DNAH8: variants seen among roughly 807,000 people sequenced by gnomAD.
DNAH8 encodes axonemal beta dynein heavy chain 8.
In DNAH8, 382 loss-of-function variants were observed where a neutral mutation model predicts 562.1. That is an observed-to-expected ratio of 0.68 (90% CI 0.63 to 0.74). The LOEUF is 0.74. Ranked by LOEUF, DNAH8 falls within the 30% of genes least tolerant of loss-of-function variation. The pLI, the probability that DNAH8 is intolerant of heterozygous loss-of-function variation, is 0.00. For synonymous variants in DNAH8, 1,881 were observed against 1,919.4 expected (o/e 0.98, Z 0.52); for missense variants, 5,203 against 5,620.4 (o/e 0.93, Z 2.37).
At chr6:38,729,835 T>C (rs1473156168) in intron 3 of DNAH8, 67 bp from the exon 4 acceptor site, 2 of 842,216 alleles carry the variant, frequency 2.4e-6, no homozygotes, top group Non-Finnish European at 3.8e-6. Context: ...CTTCATCTTC[T>C]TCATCTGCAA....
At chr6:38,726,147 T>C (rs970239932) in intron 3 of DNAH8, among the ~76,000 whole-genome samples, 5 of 152,208 alleles carry the variant, frequency 3.3e-5, no homozygotes, top group African/African-American at 1.2e-4. Context: ...GGAAGCCAGA[T>C]GAGTGATCAA....
At chr6:38,838,183 ATTC>A (rs1774457621) in intron 33 of DNAH8, 141 bp downstream of exon 33, 1 of 583,634 alleles carries the variant, frequency 1.7e-6, no homozygotes, top group African/African-American at 1.9e-5. Context: ...TATTCCAGCT[ATTC>A]TTTACAAATT....
At chr6:38,982,966 C>T (rs990077000) in intron 86 of DNAH8, among the ~76,000 whole-genome samples, 27 of 152,166 alleles carry the variant, frequency 1.8e-4, no homozygotes, top group African/African-American at 6.0e-4. Context: ...TCTTCACAAC[C>T]CTGTGAGATC....
intron 4 of DNAH8, among the ~76,000 whole-genome samples, chr6:38,732,605 G>A (rs947192209): frequency 6.6e-5 from 10 of 152,160 alleles, no homozygotes; most frequent in African/African-American, 2.4e-4. Context: ...GTCTCGGGAA[G>A]GACAAGAATA....
At chr6:38,813,730 G>C (rs1313028330) in intron 24 of DNAH8, among the ~76,000 whole-genome samples, 1 of 152,156 alleles carries the variant, frequency 6.6e-6, no homozygotes, top group Non-Finnish European at 1.5e-5. Context: ...AAAAGTATAT[G>C]CTGGTGATCT....
intron 60 of DNAH8, among the ~76,000 whole-genome samples, chr6:38,897,667 C>T (rs1009131584): frequency 4.6e-5 from 7 of 151,948 alleles, no homozygotes; most frequent in African/African-American, 1.5e-4. Flanking sequence ...GTAATACCCG[C>T]GACTTGGGGG....
intron 29 of DNAH8, among the ~76,000 whole-genome samples, chr6:38,826,941 G>A (rs902050674): frequency 2.0e-4 from 31 of 152,132 alleles, no homozygotes; most frequent in African/African-American, 7.0e-4. Flanking sequence ...AACACAGATC[G>A]TTTATTTTAC....
rs555233821 is a variant in DNAH8 at position 38,825,951 on chromosome 6, C to T, written c.3848-205C>T. Among the ~76,000 whole-genome samples, 12 of 152,234 alleles carry T rather than the reference C, an allele frequency of 7.9e-5. No individual in the cohort carries two copies. In the South Asian group the frequency reaches 1.5e-3, roughly 18 times the overall value. Reference sequence around the variant, plus strand: ...GGTGTCAAACTCATGCACATTTCCACGGGGATACATGCTCTGTGGGACAGG... The same window carrying T: ...GGTGTCAAACTCATGCACATTTCCATGGGGATACATGCTCTGTGGGACAGG... On this transcript the variant is annotated intron_variant, in intron 28 of 92. Transcript: ENST00000327475.
intron 43 of DNAH8, among the ~76,000 whole-genome samples, chr6:38,861,001 G>A (rs1027415959): frequency 5.3e-5 from 8 of 152,080 alleles, no homozygotes; most frequent in African/African-American, 1.9e-4. Flanking sequence ...GGCACCTAAC[G>A]TACATTTTCA....
At chr6:38,782,079 C>G (rs1768672814) in intron 16 of DNAH8, among the ~76,000 whole-genome samples, 1 of 151,758 alleles carries the variant, frequency 6.6e-6, no homozygotes. Flanking sequence ...TATGAAGATT[C>G]TGTTGTTTCT....
intron 52 of DNAH8, among the ~76,000 whole-genome samples, 184 bp downstream of exon 52, chr6:38,873,560 C>T (rs1052267146): frequency 6.6e-6 from 1 of 151,936 alleles, no homozygotes; most frequent in African/African-American, 2.4e-5. Flanking sequence ...ACTGTTTTCT[C>T]TATTATTTTC....
chr6:38,867,451 ATCTATTGTT>A (rs1320157882), intron 47 of DNAH8, among the ~76,000 whole-genome samples: 2 of 152,100 alleles, frequency 1.3e-5, no homozygotes, highest in Non-Finnish European at 2.9e-5. Context: ...GCATTTAAAA[ATCTATTGTT>A]TGGGCCGGGT....
chr6:38,741,748 G>A lies in DNAH8; in HGVS notation c.1154G>A (p.Gly385Asp). Residue 385 changes from glycine to aspartate, a missense_variant, in exon 8 of 93, where the codon GGT (glycine) becomes GAT (aspartate). Physicochemically the swap from Gly to Asp is moderately conservative, Grantham distance 94 (BLOSUM62 -1). Transcript: ENST00000327475. The part of the protein sequence containing the change: ...IESEQMRKEA[G>D]DSGPLTELEH... ...AGTGAGCAGATGAGAAAAGAAGCTG[G>A]TGATTCAGGTCCACTCACTGAATTG... 6.2e-7 allele frequency: 1 copy of A among 1,613,720 alleles called. No individual in the cohort carries two copies. Among genetic ancestry groups the A allele is most frequent in the Non-Finnish European group, 8.5e-7 (1 of 1,179,828 alleles).
chr6:38,850,415 G>A lies in DNAH8; in HGVS notation c.5363+1G>A, dbSNP rs1775649138. On this transcript the variant is annotated splice_donor_variant, in intron 38 of 92. Coordinates refer to ENST00000327475, the MANE Select transcript of DNAH8 (RefSeq NM_001206927.2). LOFTEE classifies it high-confidence loss of function. ...AAGTATGTCAGAAGTCACTCACAGGGTAAGAGTTTAATTTTTAAATCACAT... is the reference window on the plus strand; with the variant it reads ...AAGTATGTCAGAAGTCACTCACAGGATAAGAGTTTAATTTTTAAATCACAT... 6.8e-6 allele frequency: 11 copies of A among 1,609,888 alleles called. No individual in the cohort carries two copies. Among genetic ancestry groups the A allele is most frequent in the African/African-American group, 1.3e-5 (1 of 74,706 alleles).
chr6:38,842,275 T>C (rs1774867509), intron 33 of DNAH8, 93 bp from the exon 34 acceptor site: 2 of 1,012,322 alleles, frequency 2.0e-6, no homozygotes, highest in Non-Finnish European at 2.9e-6. Context: ...ACGCAATGTA[T>C]GAAATATTTG....
At chr6:38,863,677 G>A (rs556745139) in intron 44 of DNAH8, among the ~76,000 whole-genome samples, 196 bp from the exon 45 acceptor site, 122 of 152,178 alleles carry the variant, frequency 8.0e-4, no homozygotes, top group Non-Finnish European at 1.6e-3. Context: ...TGTTTCCATT[G>A]TTTTGATGAA....
intron 86 of DNAH8, among the ~76,000 whole-genome samples, chr6:38,983,494 T>C: frequency 6.6e-6 from 1 of 152,200 alleles, no homozygotes; most frequent in East Asian, 1.9e-4. Context: ...ATCATTTTGG[T>C]ACATACAAAT....
Position 38,820,086 on chromosome 6 carries a change from A to C in DNAH8, c.3524-2752A>C, listed in dbSNP as rs375802177. Among the ~76,000 whole-genome samples the C allele has an allele frequency of 5.1e-4, 77 of 152,328 alleles. 3 individuals are homozygous for C. In the East Asian group the frequency reaches 0.015, roughly 29 times the overall value. On this transcript the variant is annotated intron_variant, in intron 26 of 92. Transcript: ENST00000327475. ...AACTTGATTTATAAATTTGATTGTA[A>C]AATTATATAGAAGTGAAAAGAGTTA...
chr6:38,852,676 T>C lies in DNAH8; in HGVS notation c.5467-18T>C, dbSNP rs761927452. ...TTTGTGTCCAGCCTCATGTGTGACG[T>C]TTTCCTCTGTCTTACAGCCGCATCT... On this transcript the variant is annotated intron_variant, in intron 39 of 92. Transcript: ENST00000327475. 58 of 1,590,248 alleles carry C rather than the reference T, an allele frequency of 3.6e-5. No individual in the cohort carries two copies. The highest frequency in any genetic ancestry group is 1.4e-4 in the Admixed American group (8 of 58,246).
Sources: allele counts gnomAD v4.1 joint callset (sites outside exome capture counted in the v4.1 genomes callset), GRCh38; gene constraint gnomAD v4.1.1; transcripts MANE v1.5; gene names NCBI Gene and HGNC (gene_info 2026-07-23, HGNC 2026-07-21).